LHFPL2: variants seen among roughly 807,000 people sequenced by gnomAD.
The protein encoded by LHFPL2 is LHFPL tetraspan subfamily member 2.
A neutral mutation model predicts 17.5 loss-of-function variants in LHFPL2; 7 were observed. The observed-to-expected ratio is 0.40, with a 90% CI of 0.23 to 0.75. The LOEUF (loss-of-function observed/expected upper bound fraction) is 0.75, where lower values mean the gene tolerates loss of function less well. Ranked by LOEUF, LHFPL2 falls within the 30% of genes least tolerant of loss-of-function variation. The probability of loss-of-function intolerance (pLI) is 0.37; values close to 1 mark genes in which losing one functional copy is unlikely to be tolerated. For missense variants in LHFPL2, 241 were observed against 294.8 expected, an observed-to-expected ratio of 0.82 and a Z score of 1.34; for synonymous variants, 134 against 116.2, an observed-to-expected ratio of 1.15 and a Z score of -0.99.
intron 2 of LHFPL2, among the ~76,000 whole-genome samples, chr5:78,598,109 G>A (rs1743889287): frequency 6.6e-6 from 1 of 152,214 alleles, no homozygotes; most frequent in Non-Finnish European, 1.5e-5. Flanking sequence ...CACCCCATGT[G>A]TCAAGATGAT....
At chr5:78,505,303 TG>T (rs1170527942) in intron 4 of LHFPL2, among the ~76,000 whole-genome samples, 9 of 152,196 alleles carry the variant, frequency 5.9e-5, no homozygotes, top group Admixed American at 2.0e-4. Context: ...TGATGTGTGT[TG>T]CTGCCTCTGC....
intron 2 of LHFPL2, among the ~76,000 whole-genome samples, chr5:78,566,975 T>G (rs1029777686): frequency 1.3e-5 from 2 of 152,070 alleles, no homozygotes; most frequent in African/African-American, 2.4e-5. Context: ...GCTAAATGAG[T>G]CACAACAAAA....
At chr5:78,493,718 T>C (rs983432153) in intron 4 of LHFPL2, among the ~76,000 whole-genome samples, 2 of 152,220 alleles carry the variant, frequency 1.3e-5, no homozygotes, top group Non-Finnish European at 2.9e-5. Flanking sequence ...CTTTGGGTGA[T>C]TGATGTATCC....
intron 2 of LHFPL2, among the ~76,000 whole-genome samples, chr5:78,630,605 G>T (rs974918742): frequency 2.0e-5 from 3 of 151,768 alleles, no homozygotes; most frequent in African/African-American, 7.3e-5. Flanking sequence ...TCTCCTTCAG[G>T]AAGCTGTACA....
At chr5:78,538,425 C>T (rs1344619466) in intron 3 of LHFPL2, among the ~76,000 whole-genome samples, 10 of 152,152 alleles carry the variant, frequency 6.6e-5, no homozygotes, top group Admixed American at 2.6e-4. Context: ...GGAAAAATCT[C>T]AGTGCATCTA....
intron 2 of LHFPL2, among the ~76,000 whole-genome samples, chr5:78,580,863 G>C (rs566601480): frequency 4.6e-5 from 7 of 152,120 alleles, no homozygotes; most frequent in Non-Finnish European, 1.0e-4. Flanking sequence ...CTTTAAAGTA[G>C]TTTTTTCCAA....
chr5:78,560,493 C>T (rs1184740871), intron 3 of LHFPL2, among the ~76,000 whole-genome samples: 1 of 152,176 alleles, frequency 6.6e-6, no homozygotes, highest in African/African-American at 2.4e-5. Context: ...AGGAACATGG[C>T]ACCTGCAACA....
At chr5:78,589,046 G>A (rs1743532475) in intron 2 of LHFPL2, among the ~76,000 whole-genome samples, 1 of 152,162 alleles carries the variant, frequency 6.6e-6, no homozygotes, top group African/African-American at 2.4e-5. Flanking sequence ...ATGAAGTTCA[G>A]AAAGGTCAAG....
intron 3 of LHFPL2, among the ~76,000 whole-genome samples, chr5:78,535,398 C>A: frequency 6.6e-6 from 1 of 152,174 alleles, no homozygotes; most frequent in South Asian, 2.1e-4. Flanking sequence ...CTGCTGCCTG[C>A]CTCATCTCTC....
At chr5:78,553,195 T>G (rs1756492098) in intron 3 of LHFPL2, among the ~76,000 whole-genome samples, 1 of 152,228 alleles carries the variant, frequency 6.6e-6, no homozygotes, top group South Asian at 2.1e-4. Flanking sequence ...CACTCACTAC[T>G]TCCTGACCAC....
At chr5:78,609,503 C>T (rs1744343286) in intron 2 of LHFPL2, among the ~76,000 whole-genome samples, 2 of 132,034 alleles carry the variant, frequency 1.5e-5, no homozygotes, top group Non-Finnish European at 3.2e-5. Context: ...AAGTAAATTA[C>T]AGCACATCTA....
chr5:78,504,457 A>G (rs1561309478), intron 4 of LHFPL2, among the ~76,000 whole-genome samples: 1 of 152,140 alleles, frequency 6.6e-6, no homozygotes, highest in African/African-American at 2.4e-5. Context: ...GTGAATGAGT[A>G]GGGCATGAGA....
At chr5:78,585,635 C>T (rs867509916) in intron 2 of LHFPL2, among the ~76,000 whole-genome samples, 20 of 152,304 alleles carry the variant, frequency 1.3e-4, no homozygotes, top group Middle Eastern at 6.8e-3. Context: ...CTCCTCCTCC[C>T]GCTCTCAAGG....
intron 3 of LHFPL2, among the ~76,000 whole-genome samples, chr5:78,522,055 C>T (rs574758923): frequency 5.4e-4 from 82 of 152,292 alleles, no homozygotes; most frequent in African/African-American, 1.9e-3. Context: ...TTTCCCAGAA[C>T]CCAGAATATT....
intron 2 of LHFPL2, among the ~76,000 whole-genome samples, chr5:78,571,341 A>G (rs976321972): frequency 2.0e-5 from 3 of 152,118 alleles, no homozygotes; most frequent in Admixed American, 6.5e-5. Context: ...AACTCCATGC[A>G]TGAAACTCTG....
chr5:78,590,710 A>C (rs958952123), intron 2 of LHFPL2, among the ~76,000 whole-genome samples: 2 of 152,244 alleles, frequency 1.3e-5, no homozygotes, highest in Non-Finnish European at 2.9e-5. Flanking sequence ...ATATTTCACT[A>C]AACAGTCATA....
intron 4 of LHFPL2, among the ~76,000 whole-genome samples, chr5:78,501,848 A>G (rs1437256989): frequency 6.6e-6 from 1 of 152,094 alleles, no homozygotes; most frequent in Non-Finnish European, 1.5e-5. Flanking sequence ...TGGCAATAAA[A>G]GAGTTTTTGT....
rs981322653 is a variant in LHFPL2, at chr5:78,488,881, C to T, written c.*16G>A. 1 of 1,612,320 alleles carries T rather than the reference C, an allele frequency of 6.2e-7. No individual in the cohort carries two copies. Among genetic ancestry groups the T allele is most frequent in the Non-Finnish European group, 8.5e-7 (1 of 1,179,040 alleles). Reference sequence around the variant, plus strand: ...CAAGATTACTCAAGGGAGAAAATGGCATTGTCTCTTCCAAACTAAAGGAGG... The same window carrying T: ...CAAGATTACTCAAGGGAGAAAATGGTATTGTCTCTTCCAAACTAAAGGAGG... On this transcript the variant is annotated 3_prime_UTR_variant, in exon 5 of 5. Coordinates refer to ENST00000380345, the MANE Select transcript of LHFPL2 (RefSeq NM_005779.3).
chr5:78,554,866 T>C (rs1756532160), intron 3 of LHFPL2, among the ~76,000 whole-genome samples: 1 of 152,210 alleles, frequency 6.6e-6, no homozygotes, highest in African/African-American at 2.4e-5. Flanking sequence ...CCTTTTATTC[T>C]TCCCAGCACC....
Sources: allele counts gnomAD v4.1 joint callset (sites outside exome capture counted in the v4.1 genomes callset), GRCh38; gene constraint gnomAD v4.1.1; transcripts MANE v1.5; gene names NCBI Gene and HGNC (gene_info 2026-07-23, HGNC 2026-07-21).